Variants in ZC2HC1A observed in about 807,000 individuals in gnomAD.
ZC2HC1A encodes zinc finger C2HC-type containing 1A.
A neutral mutation model predicts 40.7 loss-of-function variants in ZC2HC1A; 28 were observed. The ratio of observed to expected loss-of-function variants is 0.69; its 90% CI spans 0.51 to 0.94. ZC2HC1A has a LOEUF of 0.94. Ranked by LOEUF, ZC2HC1A falls within the 40% of genes least tolerant of loss-of-function variation. ZC2HC1A has a pLI of 0.00. For missense variants in ZC2HC1A, 389 were observed against 386.3 expected, an observed-to-expected ratio of 1.01 and a Z score of -0.06; for synonymous variants, 129 against 129.2, an observed-to-expected ratio of 1.00 and a Z score of 0.01.
chr8:78,671,033 A>T (rs989681544), intron 1 of ZC2HC1A, among the ~76,000 whole-genome samples: 1 of 152,224 alleles, frequency 6.6e-6, no homozygotes, highest in African/African-American at 2.4e-5. Context: ...ATGAACGGTG[A>T]TAGAATATAA....
At chr8:78,702,830 G>A (rs1161357879) in intron 7 of ZC2HC1A, among the ~76,000 whole-genome samples, 3 of 152,068 alleles carry the variant, frequency 2.0e-5, no homozygotes. Context: ...GAGAATATTT[G>A]TTATGATTTC....
intron 7 of ZC2HC1A, among the ~76,000 whole-genome samples, chr8:78,706,630 A>G (rs1222221813): frequency 2.0e-5 from 3 of 152,078 alleles, no homozygotes; most frequent in African/African-American, 7.2e-5. Flanking sequence ...CTGTGGGTCA[A>G]GTTGTTTCCT....
At chr8:78,691,683 CT>C (rs1296485359) in intron 5 of ZC2HC1A, among the ~76,000 whole-genome samples, 2 of 151,852 alleles carry the variant, frequency 1.3e-5, no homozygotes, top group Non-Finnish European at 2.9e-5. Flanking sequence ...ATTTCATTTT[CT>C]TTTTTGGCTT....
chr8:78,666,139 A>T lies in ZC2HC1A; in HGVS notation c.-10A>T. ...TGAAGGAGTCTCGCTGAGCTCGAGG[A>T]GGTGGCGCGATGGAGGGACTGGAAG... On this transcript the variant is annotated 5_prime_UTR_variant, in exon 1 of 9. Transcript: ENST00000263849. 1 of 1,570,504 alleles carries T rather than the reference A, an allele frequency of 6.4e-7. No individual in the cohort carries two copies.
At chr8:78,686,122 A>C (rs1055368782) in intron 3 of ZC2HC1A, among the ~76,000 whole-genome samples, 1 of 152,086 alleles carries the variant, frequency 6.6e-6, no homozygotes, top group African/African-American at 2.4e-5. Context: ...AGATGTCCCC[A>C]CCTCGTACTA....
intron 3 of ZC2HC1A, among the ~76,000 whole-genome samples, chr8:78,684,967 T>C (rs1473886213): frequency 6.6e-6 from 1 of 152,150 alleles, no homozygotes; most frequent in African/African-American, 2.4e-5. Context: ...TTTTAAAAAT[T>C]AGACAAGTTG....
intron 7 of ZC2HC1A, among the ~76,000 whole-genome samples, chr8:78,702,533 A>G (rs538601690): frequency 3.3e-5 from 5 of 151,652 alleles, no homozygotes; most frequent in Admixed American, 6.6e-5. Context: ...TTGTTTTTCT[A>G]GTTCTTTTAG....
At chr8:78,688,617 C>T (rs955464495) in intron 4 of ZC2HC1A, among the ~76,000 whole-genome samples, 3 of 152,082 alleles carry the variant, frequency 2.0e-5, no homozygotes, top group African/African-American at 4.8e-5. Flanking sequence ...GTTTAATTTA[C>T]AGTATGCTTT....
Position 78,673,093 on chromosome 8 carries a change from G to A in ZC2HC1A, c.17-2694G>A, listed in dbSNP as rs561482152. On this transcript the variant is annotated intron_variant, in intron 1 of 8. Transcript: ENST00000263849. ...CTCCCACCCCCTGACAGGCCCTGGA[G>A]TGTGATGTTCCCCTCCCTGTGTCCA... Among the ~76,000 whole-genome samples the A allele has an allele frequency of 5.9e-5, 9 of 152,096 alleles. No homozygotes were observed. The South Asian group carries it at 1.9e-3, about 32-fold the overall frequency.
At chr8:78,708,389 T>C (rs1563638059) in intron 7 of ZC2HC1A, among the ~76,000 whole-genome samples, 2 of 152,198 alleles carry the variant, frequency 1.3e-5, no homozygotes, top group East Asian at 3.9e-4. Flanking sequence ...AGACAGTTTG[T>C]GGATTAGGCC....
At chr8:78,710,115 T>G (rs1481638985) in intron 7 of ZC2HC1A, among the ~76,000 whole-genome samples, 1 of 152,202 alleles carries the variant, frequency 6.6e-6, no homozygotes, top group Non-Finnish European at 1.5e-5. Flanking sequence ...GCTATGAGTA[T>G]TTTGAAGGCC....
At position 78,719,551 on chromosome 8, in the gene ZC2HC1A, T is replaced by C. The variant is rs1002910666; in HGVS notation, c.*2058T>C. The C allele has an allele frequency of 6.6e-6, 1 of 151,856 alleles. No homozygotes were observed. Among genetic ancestry groups the C allele is most frequent in the Non-Finnish European group, 1.5e-5 (1 of 67,720 alleles). The allele number at this position is 151,856 out of a possible 1,614,324, so 9.4% of individuals were successfully genotyped here. Reference sequence around the variant, plus strand: ...TTCCTATGCATCATGTATTTTATTTTTATTTATTTTCACAAGTATTTGACA... The same window carrying C: ...TTCCTATGCATCATGTATTTTATTTCTATTTATTTTCACAAGTATTTGACA... On this transcript the variant is annotated 3_prime_UTR_variant, in exon 9 of 9. Coordinates refer to ENST00000263849, the MANE Select transcript of ZC2HC1A (RefSeq NM_016010.3).
chr8:78,693,622 C>T (rs1387274930), intron 5 of ZC2HC1A, among the ~76,000 whole-genome samples: 2 of 151,982 alleles, frequency 1.3e-5, no homozygotes, highest in African/African-American at 2.4e-5. Context: ...ATTGTAGATT[C>T]TGGATATTAG....
At chr8:78,714,506 C>T (rs1811038496) in intron 7 of ZC2HC1A, among the ~76,000 whole-genome samples, 1 of 152,106 alleles carries the variant, frequency 6.6e-6, no homozygotes, top group Non-Finnish European at 1.5e-5. Context: ...CTCAGACTTG[C>T]TGTCACAAAG....
At chr8:78,667,467 A>C (rs564318720) in intron 1 of ZC2HC1A, among the ~76,000 whole-genome samples, 5 of 152,322 alleles carry the variant, frequency 3.3e-5, no homozygotes, top group African/African-American at 1.2e-4. Flanking sequence ...TCATGAGATT[A>C]TCATATATAA....
At chr8:78,712,822 G>C (rs1810992065) in intron 7 of ZC2HC1A, among the ~76,000 whole-genome samples, 1 of 152,076 alleles carries the variant, frequency 6.6e-6, no homozygotes, top group South Asian at 2.1e-4. Flanking sequence ...ACCTATTAAT[G>C]GTGGAAAATA....
At chr8:78,714,994 A>G (rs1811055699) in intron 7 of ZC2HC1A, among the ~76,000 whole-genome samples, 1 of 152,184 alleles carries the variant, frequency 6.6e-6, no homozygotes, top group Non-Finnish European at 1.5e-5. Context: ...TACATATTTT[A>G]GTTGATTTTA....
intron 7 of ZC2HC1A, among the ~76,000 whole-genome samples, chr8:78,709,056 C>G (rs57230031): frequency 6.6e-6 from 1 of 152,144 alleles, no homozygotes; most frequent in African/African-American, 2.4e-5. Flanking sequence ...GAATTGTTCC[C>G]TAGAGTTTAC....
chr8:78,702,974 G>A (rs913267520), intron 7 of ZC2HC1A, among the ~76,000 whole-genome samples: 2 of 152,096 alleles, frequency 1.3e-5, no homozygotes, highest in African/African-American at 4.8e-5. Flanking sequence ...TTGGCTCGCT[G>A]CAACCTCTGC....
Sources: allele counts gnomAD v4.1 joint callset (sites outside exome capture counted in the v4.1 genomes callset), GRCh38; gene constraint gnomAD v4.1.1; transcripts MANE v1.5; gene names NCBI Gene and HGNC (gene_info 2026-07-23, HGNC 2026-07-21).